Variants in ALDH9A1 observed in about 807,000 individuals in gnomAD.
ALDH9A1 encodes the protein 4-trimethylaminobutyraldehyde dehydrogenase.
In ALDH9A1, 42 loss-of-function variants were observed where a neutral mutation model predicts 56.6. That is an observed-to-expected ratio of 0.74 (90% confidence interval 0.58 to 0.96). The LOEUF is 0.96. Among genes scored for constraint, ALDH9A1 ranks in the 40% least tolerant of loss-of-function variants. ALDH9A1 has a pLI of 0.00. For missense variants in ALDH9A1, 661 were observed against 651.5 expected (o/e 1.01, Z -0.16); for synonymous variants, 242 against 236.0 (o/e 1.03, Z -0.23).
chr1:165,677,869 A>AG (rs1649415918), intron 6 of ALDH9A1, among the ~76,000 whole-genome samples: 1 of 151,732 alleles, frequency 6.6e-6, no homozygotes, highest in Non-Finnish European at 1.5e-5. Context: ...AAAAAAAAAA[A>AG]AAAAAAAAAA....
Position 165,667,320 on chromosome 1 carries a change from G to T in ALDH9A1, c.1338C>A (p.Gly446=). The T allele has an allele frequency of 6.2e-7, 1 of 1,614,000 alleles. No individual in the cohort carries two copies. The highest frequency in any genetic ancestry group is 8.5e-7 in the Non-Finnish European group (1 of 1,179,942). The change falls in exon 9 of 11, where the codon GGC becomes GGA. Residue 446 remains glycine, a synonymous_variant. Coordinates refer to ENST00000354775, the MANE Select transcript of ALDH9A1 (RefSeq NM_000696.4). ...ANDTTFGLAA[G]VFTRDIQRAH... The stretch of plus-strand genomic sequence containing the variant: ...CCCACTCCACATACCTGGTAAAGAC[G>T]CCAGCTGCTAGTCCAAAAGTGGTAT...
At chr1:165,674,595 A>C (rs1649289384) in intron 6 of ALDH9A1, among the ~76,000 whole-genome samples, 1 of 151,328 alleles carries the variant, frequency 6.6e-6, no homozygotes, top group African/African-American at 2.4e-5. Context: ...CTAAGGCAGG[A>C]AAATCACTTG....
chr1:165,672,971 A>AC (rs1238133625), intron 6 of ALDH9A1, among the ~76,000 whole-genome samples: 36 of 95,200 alleles, frequency 3.8e-4, no homozygotes, highest in African/African-American at 1.1e-3. Flanking sequence ...AAAAAAATAC[A>AC]AACACACACA....
At chr1:165,685,633 G>C (rs1223854608) in intron 2 of ALDH9A1, among the ~76,000 whole-genome samples, 1 of 152,160 alleles carries the variant, frequency 6.6e-6, no homozygotes, top group Non-Finnish European at 1.5e-5. Context: ...GTATACACAT[G>C]GTAAACGAGG....
intron 7 of ALDH9A1, 50 bp downstream of exon 7, chr1:165,669,212 G>C: frequency 6.7e-7 from 1 of 1,497,492 alleles, no homozygotes; most frequent in Middle Eastern, 1.8e-4. Flanking sequence ...ATGTGATTTA[G>C]GAGTAGTATA....
At chr1:165,670,719 C>T (rs1456112250) in intron 6 of ALDH9A1, among the ~76,000 whole-genome samples, 1 of 152,076 alleles carries the variant, frequency 6.6e-6, no homozygotes, top group African/African-American at 2.4e-5. Flanking sequence ...ATATAACATA[C>T]CAAAAATGTG....
intron 9 of ALDH9A1, among the ~76,000 whole-genome samples, chr1:165,665,417 T>C (rs1335095838): frequency 1.3e-5 from 2 of 152,078 alleles, no homozygotes; most frequent in African/African-American, 2.4e-5. Flanking sequence ...GATATCTACA[T>C]GCAAAAAATA....
At chr1:165,682,844 G>T in intron 3 of ALDH9A1, 137 bp downstream of exon 3, 1 of 957,298 alleles carries the variant, frequency 1.0e-6, no homozygotes, top group Non-Finnish European at 1.5e-6. Context: ...GTAATTCCCA[G>T]GCCACCCAGG....
At chr1:165,696,982 G>T (rs1364141208) in intron 1 of ALDH9A1, among the ~76,000 whole-genome samples, 2 of 152,184 alleles carry the variant, frequency 1.3e-5, no homozygotes, top group Non-Finnish European at 2.9e-5. Flanking sequence ...GGTTTAGTGT[G>T]GATGGTCAAA....
chr1:165,680,574 C>G lies in ALDH9A1; in HGVS notation c.702G>C (p.Gln234His), dbSNP rs780253329. 1.2e-6 allele frequency: 2 copies of G among 1,614,196 alleles called. No homozygotes were observed. Among genetic ancestry groups the G allele is most frequent in the South Asian group, 1.1e-5 (1 of 91,086 alleles). The change falls in exon 5 of 11, where the codon CAG (glutamine) becomes CAC (histidine). Residue 234 changes from glutamine to histidine, a missense_variant. By Grantham distance (24) the Gln-to-His change is conservative. Coordinates refer to ENST00000354775, the MANE Select transcript of ALDH9A1 (RefSeq NM_000696.4). ...GAAACTGGCCTGTGGCAGCCCCTCCCTGCACCACATTGAAGAGCCCAGGAG... is the reference window on the plus strand; with the variant it reads ...GAAACTGGCCTGTGGCAGCCCCTCCGTGCACCACATTGAAGAGCCCAGGAG... ...GVPPGLFNVV[Q>H]GGAATGQFLC... is the part of the protein sequence containing the mutation.
rs554868367 is a variant in ALDH9A1 at position 165,666,105 on chromosome 1, T to C, written c.1350-975A>G. On this transcript the variant is annotated intron_variant, in intron 9 of 10. Coordinates refer to ENST00000354775, the MANE Select transcript of ALDH9A1 (RefSeq NM_000696.4). Reference sequence around the variant, plus strand: ...GTACTGATAAATGCCACAACACAAATGAACCTTGAAAACATTATGCTAAGT... The same window carrying C: ...GTACTGATAAATGCCACAACACAAACGAACCTTGAAAACATTATGCTAAGT... Among the ~76,000 whole-genome samples the C allele has an allele frequency of 1.8e-4, 28 of 152,264 alleles. 1 individual carries two copies. The highest frequency in any genetic ancestry group is 1.6e-3 in the Admixed American group (24 of 15,282).
At chr1:165,664,119 A>T (rs73028757) in intron 10 of ALDH9A1, among the ~76,000 whole-genome samples, 183 of 151,898 alleles carry the variant, frequency 1.2e-3, no homozygotes, top group African/African-American at 4.3e-3. Flanking sequence ...TGTGTGTACG[A>T]CTCCTCTGAG....
rs752426976 is a variant in ALDH9A1 at position 165,668,922 on chromosome 1, ATACT to A, written c.1207_1207+3del. The A allele has an allele frequency of 6.4e-7, 1 of 1,567,906 alleles. No homozygotes were observed. The highest frequency in any genetic ancestry group is 8.8e-7 in the Non-Finnish European group (1 of 1,139,390). On this transcript the variant is annotated splice_donor_variant and splice_donor_region_variant and coding_sequence_variant and intron_variant, in exon 8 of 11. Coordinates refer to ENST00000354775, the MANE Select transcript of ALDH9A1 (RefSeq NM_000696.4). LOFTEE classifies it high-confidence loss of function. ...ATCTAAAAGCAAACAAAAAGAGGAC[ATACT>A]TAATACACAAGGTCTCATGTAATAT...
chr1:165,667,477 G>A (rs763839093), intron 8 of ALDH9A1, 27 bp from the exon 9 acceptor site: 3 of 1,610,584 alleles, frequency 1.9e-6, no homozygotes, highest in Non-Finnish European at 2.5e-6. Flanking sequence ...AAAACCTCCT[G>A]AGCAGCTGGG....
intron 9 of ALDH9A1, among the ~76,000 whole-genome samples, chr1:165,666,860 T>G (rs1436915725): frequency 2.0e-5 from 3 of 152,202 alleles, no homozygotes; most frequent in African/African-American, 7.2e-5. Flanking sequence ...ATTACTATAA[T>G]ATTTAAAATA....
intron 2 of ALDH9A1, among the ~76,000 whole-genome samples, chr1:165,684,002 A>T (rs995080883): frequency 6.6e-5 from 10 of 152,224 alleles, no homozygotes; most frequent in Admixed American, 5.2e-4. Context: ...TCTGTTTATA[A>T]AACTGATAAG....
rs375353358 is a variant in ALDH9A1 at position 165,679,492 on chromosome 1, T to A, written c.880A>T (p.Asn294Tyr). The A allele has an allele frequency of 8.1e-6, 13 of 1,614,084 alleles. No individual in the cohort carries two copies. The African/African-American group carries it at 1.7e-4, about 22-fold the overall frequency. ...PLIIFSDCDM[N>Y]NAVKGALMAN... is the part of the protein sequence containing the mutation. Reference sequence around the variant, plus strand: ...ATCAGCGCCCCCTTTACAGCATTGTTCATATCACAGTCTGAGAAGATGATG... The same window carrying A: ...ATCAGCGCCCCCTTTACAGCATTGTACATATCACAGTCTGAGAAGATGATG... The change falls in exon 6 of 11, where the codon AAC becomes TAC. Residue 294 changes from asparagine to tyrosine, a missense_variant. Transcript: ENST00000354775.
At chr1:165,690,533 C>T (rs1226501530) in intron 2 of ALDH9A1, among the ~76,000 whole-genome samples, 2 of 152,168 alleles carry the variant, frequency 1.3e-5, no homozygotes, top group African/African-American at 2.4e-5. Flanking sequence ...GCATTTCCAA[C>T]AGAGGTACTG....
chr1:165,689,629 G>A (rs1208282208), intron 2 of ALDH9A1, among the ~76,000 whole-genome samples: 1 of 152,074 alleles, frequency 6.6e-6, no homozygotes, highest in East Asian at 1.9e-4. Flanking sequence ...GTGGTGACCG[G>A]TGCTTTGAAA....
Sources: allele counts gnomAD v4.1 joint callset (sites outside exome capture counted in the v4.1 genomes callset), GRCh38; gene constraint gnomAD v4.1.1; transcripts MANE v1.5; gene names NCBI Gene and HGNC (gene_info 2026-07-23, HGNC 2026-07-21).